GNAI2: variants seen among roughly 807,000 people sequenced by gnomAD.
GNAI2 encodes the protein guanine nucleotide-binding protein G(i) subunit alpha-2.
GNAI2 carries 4 observed loss-of-function variants against 36.8 expected under a neutral mutation model. The observed-to-expected ratio is 0.11, with a 90% CI of 0.05 to 0.25. The LOEUF is 0.25. GNAI2 is among the 10% of genes least tolerant of loss of function. GNAI2 has a pLI of 1.00. For synonymous variants in GNAI2, 194 were observed against 194.1 expected (o/e 1.00, Z 0.01); for missense variants, 230 against 481.3 (o/e 0.48, Z 4.89).
intron 1 of GNAI2, among the ~76,000 whole-genome samples, chr3:50,248,675 C>G (rs1436844210): frequency 6.6e-6 from 1 of 152,214 alleles, no homozygotes; most frequent in Non-Finnish European, 1.5e-5. Flanking sequence ...ACAAAGAGAC[C>G]AGCCTGAGTC....
chr3:50,232,337 A>G (rs1553699860), upstream of GNAI2, among the ~76,000 whole-genome samples: 1 of 152,176 alleles, frequency 6.6e-6, no homozygotes, highest in Non-Finnish European at 1.5e-5. Flanking sequence ...CTCAAAAAAA[A>G]AGAAATCACT....
At chr3:50,232,907 G>A (rs1347052661), upstream of GNAI2, among the ~76,000 whole-genome samples, 1 of 151,886 alleles carries the variant, frequency 6.6e-6, no homozygotes, top group South Asian at 2.1e-4. Flanking sequence ...ATGAAGTGGT[G>A]GAGAGCCTGG....
chr3:50,256,540 A>G (rs1575456678), intron 5 of GNAI2, 183 bp from the exon 6 acceptor site: 4 of 731,304 alleles, frequency 5.5e-6, no homozygotes, highest in South Asian at 5.1e-5. Flanking sequence ...ATGTGGCTGC[A>G]GCCTGCCTGC....
At chr3:50,257,781 GTTCT>G in intron 8 of GNAI2, 67 bp downstream of exon 8, 1 of 381,300 alleles carries the variant, frequency 2.6e-6, no homozygotes. Context: ...CCAGCAGGGG[GTTCT>G]GGGGGTGGGT....
Position 50,241,834 on chromosome 3 carries a change from C to T in GNAI2, c.118+5381C>T, listed in dbSNP as rs1700306436. Among the ~76,000 whole-genome samples the T allele has an allele frequency of 6.6e-6, 1 of 152,094 alleles. No individual in the cohort carries two copies. On this transcript the variant is annotated intron_variant, in intron 1 of 8. Transcript: ENST00000313601. The surrounding 1 kb of genome is among the most constrained non-coding windows in gnomAD (Gnocchi z 5.0). ...CCTTTGGCCCTGGGCAGCTTGTCAG[C>T]GGTTGGCCCTGGGTGGCCTGAGAGG...
intron 1 of GNAI2, among the ~76,000 whole-genome samples, chr3:50,249,842 G>A (rs1185743322): frequency 6.6e-6 from 1 of 152,218 alleles, no homozygotes; most frequent in Non-Finnish European, 1.5e-5. Context: ...CCCTCAGGGT[G>A]GTCTCTGGCG....
At chr3:50,230,492 C>T (rs587612681), upstream of GNAI2, 3 of 152,318 alleles carry the variant, frequency 2.0e-5, no homozygotes, top group African/African-American at 7.2e-5. Context: ...ACAGGCACAC[C>T]CACCCCGAAA....
intron 1 of GNAI2, among the ~76,000 whole-genome samples, chr3:50,243,261 G>T (rs1700336286): frequency 6.6e-6 from 1 of 152,260 alleles, no homozygotes; most frequent in Non-Finnish European, 1.5e-5. Context: ...AGAGAAGGTG[G>T]TGCCTTCGAG....
upstream of GNAI2, among the ~76,000 whole-genome samples, chr3:50,228,003 G>A (rs1295980389): frequency 6.6e-6 from 1 of 152,198 alleles, no homozygotes; most frequent in African/African-American, 2.4e-5. Flanking sequence ...TTAGGTGTCT[G>A]AGCCACGCCC....
At chr3:50,246,149 AG>A (rs1396400436) in intron 1 of GNAI2, among the ~76,000 whole-genome samples, 1 of 152,154 alleles carries the variant, frequency 6.6e-6, no homozygotes, top group Non-Finnish European at 1.5e-5. Context: ...CGGGGCTCAG[AG>A]GGCCTTTGTC....
chr3:50,228,678 A>T (rs1008632091), upstream of GNAI2, among the ~76,000 whole-genome samples: 1 of 151,836 alleles, frequency 6.6e-6, no homozygotes, highest in Non-Finnish European at 1.5e-5. Context: ...GCCCCTGCTG[A>T]CCCCTGCCCC....
chr3:50,246,903 G>A, intron 1 of GNAI2: 2 of 1,443,366 alleles, frequency 1.4e-6, no homozygotes, highest in Non-Finnish European at 1.8e-6. Flanking sequence ...CAGTAGCTCT[G>A]ACTCCTGTCC....
rs962514355 is a variant in GNAI2 at position 50,242,379 on chromosome 3, G to C, written c.118+5926G>C. ...GAATCCCAGCCTAGGAGTTGAGCGAGGAGGGGAAGGGGTCAGCAGGTTCTG... is the reference window on the plus strand; with the variant it reads ...GAATCCCAGCCTAGGAGTTGAGCGACGAGGGGAAGGGGTCAGCAGGTTCTG... On this transcript the variant is annotated intron_variant, in intron 1 of 8. Transcript: ENST00000313601. This position sits in a 1 kb window ranked among gnomAD's most constrained non-coding sequence, Gnocchi z 4.8. Among the ~76,000 whole-genome samples, 1 of 152,174 alleles carries C rather than the reference G, an allele frequency of 6.6e-6. No individual in the cohort carries two copies.
chr3:50,256,546 C>A, intron 5 of GNAI2, 177 bp from the exon 6 acceptor site: 1 of 742,854 alleles, frequency 1.3e-6, no homozygotes, highest in Non-Finnish European at 2.3e-6. Context: ...CTGCAGCCTG[C>A]CTGCTGTCCA....
chr3:50,232,037 A>C (rs1272542023), upstream of GNAI2, among the ~76,000 whole-genome samples: 2 of 151,238 alleles, frequency 1.3e-5, no homozygotes, highest in Non-Finnish European at 3.0e-5. Context: ...TCTCTATTAA[A>C]AAAAAAAAAA....
chr3:50,241,521 T>C lies in GNAI2; in HGVS notation c.118+5068T>C, dbSNP rs146277896. Among the ~76,000 whole-genome samples, 2 of 152,048 alleles carry C rather than the reference T, an allele frequency of 1.3e-5. No homozygotes were observed. Among genetic ancestry groups the C allele is most frequent in the East Asian group, 3.9e-4 (2 of 5,176 alleles). On this transcript the variant is annotated intron_variant, in intron 1 of 8. Transcript: ENST00000313601. The surrounding 1 kb of genome is among the most constrained non-coding windows in gnomAD (Gnocchi z 5.0). ...TGAGGTCATACCTCTAGGGTAGGAGTGAGACTAGGTCCTTTAAGGGATACC... is the reference window on the plus strand; with the variant it reads ...TGAGGTCATACCTCTAGGGTAGGAGCGAGACTAGGTCCTTTAAGGGATACC...
intron 7 of GNAI2, 88 bp from the exon 8 acceptor site, chr3:50,257,412 C>T (rs1204078281): frequency 1.4e-5 from 12 of 850,858 alleles, no homozygotes; most frequent in African/African-American, 3.4e-5. Context: ...TATGCCTGGC[C>T]GTCCACACGC....
In GNAI2 at chr3:50,258,462, T is replaced by A. The variant is rs1553703603; in HGVS notation, c.*119T>A. ...GTTCCCCCGCCGCTTTTCTCCTCTT[T>A]CCTCTCTTTGTTCTCAGCTCCCCCT... On this transcript the variant is annotated 3_prime_UTR_variant, in exon 9 of 9. Transcript: ENST00000313601. 1 of 156,542 alleles carries A rather than the reference T, an allele frequency of 6.4e-6. No homozygotes were observed. Among genetic ancestry groups the A allele is most frequent in the Non-Finnish European group, 1.4e-5 (1 of 70,718 alleles). 9.7% of individuals were successfully genotyped at this position (156,542 alleles called of 1,614,324 possible). A position where few individuals can be genotyped will look rare whatever the true frequency, so the allele number is the denominator to read the frequency against.
In GNAI2 at chr3:50,241,315, C is replaced by T. The variant is rs183258377; in HGVS notation, c.118+4862C>T. ...CGGGGCGGCTTGGGCCTCTGAGTCT[C>T]TTCTTCCCACCCCTCCCCCAGGCTT... is the stretch of plus-strand genomic sequence containing the variant. On this transcript the variant is annotated intron_variant, in intron 1 of 8. Coordinates refer to ENST00000313601, the MANE Select transcript of GNAI2 (RefSeq NM_002070.4). The surrounding 1 kb of genome is among the most constrained non-coding windows in gnomAD (Gnocchi z 5.0). 3.9e-5 allele frequency among the ~76,000 whole-genome samples: 6 copies of T among 152,312 alleles called. No individual in the cohort carries two copies. Among genetic ancestry groups the T allele is most frequent in the East Asian group, 1.9e-4 (1 of 5,182 alleles).
Sources: gnomAD v4.1 joint callset for allele counts (sites outside exome capture counted in the v4.1 genomes callset) on GRCh38, gnomAD v4.1.1 for gene constraint, Gnocchi (gnomAD v3.1) non-coding constraint, MANE v1.5 for transcripts, NCBI Gene and HGNC (gene_info 2026-07-23, HGNC 2026-07-21) for gene names.